The following PALLD variants were observed in gnomAD, a reference collection of about 807,000 sequenced individuals.
The protein encoded by PALLD is palladin, cytoskeletal associated protein, also known as palladin.
In PALLD, 61 loss-of-function variants were observed where a neutral mutation model predicts 123.5. The ratio of observed to expected loss-of-function variants is 0.49; its 90% CI spans 0.40 to 0.61. The LOEUF (loss-of-function observed/expected upper bound fraction) is 0.61. Among genes scored for constraint, PALLD ranks in the 20% least tolerant of loss-of-function variants. The pLI is 0.00. For missense variants in PALLD, 1,273 were observed against 1,377.0 expected, an observed-to-expected ratio of 0.92 and a Z score of 1.20; for synonymous variants, 465 against 496.4, an observed-to-expected ratio of 0.94 and a Z score of 0.84.
chr4:168,873,106 C>T (rs1417526964), intron 10 of PALLD, among the ~76,000 whole-genome samples: 9 of 152,212 alleles, frequency 5.9e-5, no homozygotes, highest in Non-Finnish European at 1.2e-4. Context: ...CAATATGGGA[C>T]CCTCCTAGTA....
chr4:168,596,774 TA>T (rs1008548356), intron 2 of PALLD, among the ~76,000 whole-genome samples: 1 of 150,878 alleles, frequency 6.6e-6, no homozygotes, highest in Admixed American at 6.6e-5. Flanking sequence ...CCTTGGTTTC[TA>T]AAAAAAATTA....
chr4:168,884,195 T>C (rs1385186317), intron 10 of PALLD, among the ~76,000 whole-genome samples: 1 of 152,204 alleles, frequency 6.6e-6, no homozygotes, highest in Non-Finnish European at 1.5e-5. Flanking sequence ...TATTTCTAAC[T>C]CTCACCTTGC....
intron 2 of PALLD, among the ~76,000 whole-genome samples, chr4:168,555,984 A>G (rs1465372824): frequency 6.6e-6 from 1 of 152,244 alleles, no homozygotes; most frequent in African/African-American, 2.4e-5. Flanking sequence ...AAATGTGTAT[A>G]GAACCACCCC....
At chr4:168,570,208 T>A (rs1768831269) in intron 2 of PALLD, among the ~76,000 whole-genome samples, 1 of 152,194 alleles carries the variant, frequency 6.6e-6, no homozygotes, top group Admixed American at 6.5e-5. Context: ...CATTCAATAA[T>A]TGTCTGTCTA....
At chr4:168,906,183 T>C (rs935833359) in intron 15 of PALLD, among the ~76,000 whole-genome samples, 3 of 152,230 alleles carry the variant, frequency 2.0e-5, no homozygotes, top group African/African-American at 7.2e-5. Context: ...TGGAATTATC[T>C]GTGGTCCTTA....
At chr4:168,792,562 C>G (rs572378979) in intron 10 of PALLD, among the ~76,000 whole-genome samples, 78 of 151,950 alleles carry the variant, frequency 5.1e-4, no homozygotes, top group African/African-American at 1.8e-3. Context: ...TTCCTCAACT[C>G]AAGCCTCCCA....
In PALLD at chr4:168,584,844, T is replaced by C. The variant is rs373369862; in HGVS notation, c.908+72432T>C. 5.9e-5 allele frequency among the ~76,000 whole-genome samples: 9 copies of C among 152,342 alleles called. No individual in the cohort carries two copies. The East Asian group carries it at 1.7e-3, about 29-fold the overall frequency. ...ATTATATAATGTATATTTTCTTTCA[T>C]TCATTTAACAAACATTTATTCTAGG... On this transcript the variant is annotated intron_variant, in intron 2 of 21. Coordinates refer to ENST00000505667, the MANE Select transcript of PALLD (RefSeq NM_001166108.2).
At chr4:168,723,600 G>A (rs1786240311) in intron 10 of PALLD, among the ~76,000 whole-genome samples, 1 of 152,196 alleles carries the variant, frequency 6.6e-6, no homozygotes, top group African/African-American at 2.4e-5. Flanking sequence ...TTTGCACTAC[G>A]AACCTCTGGA....
intron 2 of PALLD, among the ~76,000 whole-genome samples, chr4:168,622,508 A>T (rs1774860843): frequency 6.6e-6 from 1 of 152,192 alleles, no homozygotes; most frequent in Non-Finnish European, 1.5e-5. Flanking sequence ...AAAGATTTCC[A>T]TGTATTTCCC....
intron 2 of PALLD, among the ~76,000 whole-genome samples, chr4:168,643,794 C>G (rs1777179490): frequency 6.6e-6 from 1 of 152,186 alleles, no homozygotes; most frequent in South Asian, 2.1e-4. Flanking sequence ...GAGCCCTGAT[C>G]AAAAGTCTCT....
chr4:168,600,110 T>C (rs1282188692), intron 2 of PALLD, among the ~76,000 whole-genome samples: 1 of 152,026 alleles, frequency 6.6e-6, no homozygotes, highest in Non-Finnish European at 1.5e-5. Flanking sequence ...TGCACACATA[T>C]ATATACATAC....
At chr4:168,696,418 C>T (rs1783132612) in intron 8 of PALLD, among the ~76,000 whole-genome samples, 1 of 151,898 alleles carries the variant, frequency 6.6e-6, no homozygotes, top group African/African-American at 2.4e-5. Flanking sequence ...TTAGATTGTG[C>T]TATAGGGAAG....
At chr4:168,811,782 A>T (rs796867356) in intron 10 of PALLD, among the ~76,000 whole-genome samples, 2,333 of 124,026 alleles carry the variant, frequency 0.019, 65 homozygotes, top group East Asian at 0.16. Flanking sequence ...TCTCTCACAC[A>T]CACACACACA....
chr4:168,616,757 T>C (rs897312686), intron 2 of PALLD, among the ~76,000 whole-genome samples: 4 of 152,188 alleles, frequency 2.6e-5, no homozygotes, highest in Non-Finnish European at 5.9e-5. Flanking sequence ...GGAATCTGAA[T>C]TTTTAACAAG....
chr4:168,921,437 G>C (rs1582209716), intron 17 of PALLD, 97 bp from the exon 18 acceptor site: 6 of 576,518 alleles, frequency 1.0e-5, no homozygotes, highest in South Asian at 5.1e-5. Flanking sequence ...GCCACCTCTT[G>C]TACTACTGAA....
intron 10 of PALLD, among the ~76,000 whole-genome samples, chr4:168,873,824 G>A (rs772172411): frequency 6.6e-6 from 1 of 152,158 alleles, no homozygotes; most frequent in Non-Finnish European, 1.5e-5. Flanking sequence ...CCTAGGGTTG[G>A]TGTGTGTCTC....
intron 3 of PALLD, among the ~76,000 whole-genome samples, chr4:168,678,914 GTGTA>G (rs1452121428): frequency 2.7e-5 from 4 of 148,322 alleles, no homozygotes; most frequent in Non-Finnish European, 6.0e-5. Context: ...TGTGTGGTGT[GTGTA>G]TGTGCAGTGG....
intron 2 of PALLD, among the ~76,000 whole-genome samples, chr4:168,605,279 C>T (rs1344067406): frequency 6.6e-6 from 1 of 151,948 alleles, no homozygotes; most frequent in Non-Finnish European, 1.5e-5. Context: ...GATGCCTAGA[C>T]CCCACCCTGG....
intron 10 of PALLD, among the ~76,000 whole-genome samples, chr4:168,716,869 T>C (rs1785415334): frequency 6.6e-6 from 1 of 152,148 alleles, no homozygotes; most frequent in South Asian, 2.1e-4. Flanking sequence ...TCCTGATGGG[T>C]TTCCTCCACA....
Sources: allele counts gnomAD v4.1 joint callset (sites outside exome capture counted in the v4.1 genomes callset), GRCh38; gene constraint gnomAD v4.1.1; transcripts MANE v1.5; gene names NCBI Gene and HGNC (gene_info 2026-07-23, HGNC 2026-07-21).